The following NLGN1 variants were observed in gnomAD, a reference collection of about 807,000 sequenced individuals.
The protein encoded by NLGN1 is neuroligin-1.
Under a neutral mutation model 65.5 loss-of-function variants are expected in NLGN1, and 12 were observed. The observed-to-expected ratio is 0.18, with a 90% CI of 0.12 to 0.30. The LOEUF (loss-of-function observed/expected upper bound fraction) is 0.30, where lower values mean the gene tolerates loss of function less well. NLGN1 is among the 10% of genes least tolerant of loss of function. The pLI is 1.00. For synonymous variants in NLGN1, 350 were observed against 359.5 expected (o/e 0.97, Z 0.30); for missense variants, 750 against 1,007.1 (o/e 0.74, Z 3.46).
chr3:173,983,597 C>G (rs1719233023), intron 4 of NLGN1, among the ~76,000 whole-genome samples: 1 of 152,128 alleles, frequency 6.6e-6, no homozygotes, highest in African/African-American at 2.4e-5. Flanking sequence ...CTCCTTGATC[C>G]TTATGCTCCA....
At chr3:173,771,416 T>C (rs1329790884) in intron 3 of NLGN1, among the ~76,000 whole-genome samples, 1 of 152,166 alleles carries the variant, frequency 6.6e-6, no homozygotes, top group African/African-American at 2.4e-5. Flanking sequence ...ATGATTAGGG[T>C]ATTTGAGCAC....
intron 4 of NLGN1, among the ~76,000 whole-genome samples, chr3:174,212,325 C>T (rs7619092): frequency 6.6e-6 from 1 of 152,132 alleles, no homozygotes; most frequent in Non-Finnish European, 1.5e-5. Context: ...AAGCGCCGTG[C>T]GCAGCCCGGG....
chr3:173,539,650 A>AACAT lies in NLGN1; in HGVS notation c.-320-64627_-320-64624dup, dbSNP rs375739831. ...TATATATACACATATATACATATAT[A>AACAT]ACATATGTGTATATATGCACATATA... On this transcript the variant is annotated intron_variant, in intron 2 of 6. Transcript: ENST00000457714. Among the ~76,000 whole-genome samples the AACAT allele has an allele frequency of 4.9e-4, 25 of 51,178 alleles. 1 individual carries two copies. The East Asian group carries it at 7.4e-3, about 15-fold the overall frequency. The allele number at this position is 51,178 out of a possible 152,430, so 33.6% of individuals were successfully genotyped here.
chr3:173,935,493 A>G (rs915512859), intron 4 of NLGN1, among the ~76,000 whole-genome samples: 2 of 151,808 alleles, frequency 1.3e-5, no homozygotes, highest in African/African-American at 4.8e-5. Flanking sequence ...CCCAGGAGAA[A>G]CAAAAAATCC....
At chr3:173,402,232 A>G (rs1023070340) in intron 1 of NLGN1, among the ~76,000 whole-genome samples, 6 of 152,154 alleles carry the variant, frequency 3.9e-5, no homozygotes, top group Non-Finnish European at 5.9e-5. Flanking sequence ...TCTACCTACC[A>G]TCTACCTACC....
intron 3 of NLGN1, among the ~76,000 whole-genome samples, chr3:173,727,709 G>T (rs747232058): frequency 6.6e-6 from 1 of 152,098 alleles, no homozygotes; most frequent in Non-Finnish European, 1.5e-5. Flanking sequence ...TTTATTCATG[G>T]AAGGAAACAT....
chr3:174,057,919 T>C (rs548246160), intron 4 of NLGN1: 1 of 152,222 alleles, frequency 6.6e-6, no homozygotes, highest in East Asian at 1.9e-4. Flanking sequence ...AAAATAGTCT[T>C]AGATGTTGAA....
chr3:173,656,456 A>G (rs1577776497), intron 3 of NLGN1, among the ~76,000 whole-genome samples: 1 of 152,094 alleles, frequency 6.6e-6, no homozygotes, highest in Non-Finnish European at 1.5e-5. Context: ...TATCCCACCC[A>G]CTTTTGATGA....
intron 2 of NLGN1, among the ~76,000 whole-genome samples, chr3:173,457,753 T>C (rs1317477042): frequency 1.3e-5 from 2 of 152,068 alleles, no homozygotes; most frequent in Non-Finnish European, 2.9e-5. Flanking sequence ...GGCTATCTTA[T>C]GGGTTGAATA....
At chr3:174,285,799 T>A (rs1249886891) in exon 7 of NLGN1, 6 of 151,234 alleles carry the variant, frequency 4.0e-5, no homozygotes, top group Non-Finnish European at 8.9e-5. Context: ...AAAACTTAGC[T>A]TTTTTAAATT....
At position 173,453,396 on chromosome 3, in the gene NLGN1, A is replaced by T. The variant is rs1409633585; in HGVS notation, c.-321+18318A>T. ...TGGGATTGGTAGTTTTTTTTTTTTT[A>T]AATAAAGCAACAATGAAGTTGGTCA... On this transcript the variant is annotated intron_variant, in intron 2 of 6. Transcript: ENST00000457714. Among the ~76,000 whole-genome samples the T allele has an allele frequency of 2.7e-5, 4 of 149,882 alleles. 1 individual carries two copies. Among genetic ancestry groups the T allele is most frequent in the East Asian group, 3.9e-4 (2 of 5,130 alleles).
At chr3:173,682,187 G>A (rs1302883144) in intron 3 of NLGN1, among the ~76,000 whole-genome samples, 1 of 152,022 alleles carries the variant, frequency 6.6e-6, no homozygotes, top group African/African-American at 2.4e-5. Flanking sequence ...AAGAGTTTAT[G>A]TACAACACTT....
chr3:174,282,488 G>A (rs1751649601), exon 7 of NLGN1: 1 of 152,074 alleles, frequency 6.6e-6, no homozygotes, highest in African/African-American at 2.4e-5. Context: ...TTCTCACTGA[G>A]GTTCATTCAC....
intron 4 of NLGN1, among the ~76,000 whole-genome samples, chr3:173,898,963 A>G (rs1177000955): frequency 6.6e-6 from 1 of 152,110 alleles, no homozygotes; most frequent in Non-Finnish European, 1.5e-5. Context: ...ATGAAGTTTG[A>G]TCTGGGGTAA....
chr3:174,099,412 T>C (rs1394095070), intron 4 of NLGN1, among the ~76,000 whole-genome samples: 1 of 152,232 alleles, frequency 6.6e-6, no homozygotes, highest in African/African-American at 2.4e-5. Flanking sequence ...TTTTAAGATA[T>C]GTGTGGTCAA....
intron 4 of NLGN1, among the ~76,000 whole-genome samples, chr3:174,060,837 A>G (rs1048865650): frequency 4.6e-5 from 7 of 152,080 alleles, no homozygotes; most frequent in African/African-American, 1.7e-4. Context: ...TCGGAATCCT[A>G]AAGCTATTAT....
At chr3:174,250,176 AT>A (rs1447220408) in intron 4 of NLGN1, among the ~76,000 whole-genome samples, 1 of 152,210 alleles carries the variant, frequency 6.6e-6, no homozygotes, top group Non-Finnish European at 1.5e-5. Flanking sequence ...CTAAACTCTT[AT>A]CTTCTAATCA....
At chr3:174,221,922 T>C (rs1315127952) in intron 4 of NLGN1, among the ~76,000 whole-genome samples, 3 of 152,126 alleles carry the variant, frequency 2.0e-5, no homozygotes, top group South Asian at 2.1e-4. Context: ...TTTTGTTTTG[T>C]TTTTCATTTT....
intron 1 of NLGN1, chr3:173,399,844 C>T (rs1717326146): frequency 6.6e-6 from 1 of 152,138 alleles, no homozygotes; most frequent in Non-Finnish European, 1.5e-5. Context: ...AAATTTTTCA[C>T]ATACATTTTA....
Sources: gnomAD v4.1 joint callset for allele counts (sites outside exome capture counted in the v4.1 genomes callset) on GRCh38, gnomAD v4.1.1 for gene constraint, MANE v1.5 for transcripts, NCBI Gene and HGNC (gene_info 2026-07-23, HGNC 2026-07-21) for gene names.